GRID2: variants seen among roughly 807,000 people sequenced by gnomAD.
The protein encoded by GRID2 is glutamate ionotropic receptor delta type subunit 2.
A neutral mutation model predicts 114.8 loss-of-function variants in GRID2; 33 were observed. The observed-to-expected ratio is 0.29, with a 90% CI of 0.22 to 0.38. The LOEUF is 0.38. Ranked by LOEUF, GRID2 falls within the 10% of genes least tolerant of loss-of-function variation. The probability of loss-of-function intolerance (pLI) is 1.00; values close to 1 mark genes in which losing one functional copy is unlikely to be tolerated. For missense variants in GRID2, 1,184 were observed against 1,257.7 expected, an observed-to-expected ratio of 0.94 and a Z score of 0.89; for synonymous variants, 505 against 449.9, an observed-to-expected ratio of 1.12 and a Z score of -1.55.
At chr4:93,113,805 T>G (rs1038266397) in intron 4 of GRID2, among the ~76,000 whole-genome samples, 1 of 152,084 alleles carries the variant, frequency 6.6e-6, no homozygotes, top group East Asian at 1.9e-4. Context: ...CTTCTTGAGT[T>G]GAGCGTTAAA....
At chr4:92,921,368 C>A (rs563945165) in intron 2 of GRID2, among the ~76,000 whole-genome samples, 1 of 152,288 alleles carries the variant, frequency 6.6e-6, no homozygotes, top group Non-Finnish European at 1.5e-5. Flanking sequence ...CATTCTCCAT[C>A]CAGCTTTGTT....
At chr4:93,496,209 A>T (rs79129390) in intron 12 of GRID2, among the ~76,000 whole-genome samples, 1,710 of 151,472 alleles carry the variant, frequency 0.011, 31 homozygotes, top group African/African-American at 0.038. Flanking sequence ...ATAAACTGTC[A>T]TGGGGCAGTA....
chr4:93,257,684 A>G (rs72872768), intron 8 of GRID2, among the ~76,000 whole-genome samples: 4,430 of 151,550 alleles, frequency 0.029, 227 homozygotes, highest in African/African-American at 0.1. Flanking sequence ...AATGTCAAAT[A>G]CCTTCCTTTA....
At chr4:92,897,620 T>C (rs113542359) in intron 2 of GRID2, among the ~76,000 whole-genome samples, 28 of 152,294 alleles carry the variant, frequency 1.8e-4, no homozygotes, top group African/African-American at 6.7e-4. Flanking sequence ...ACTGCCAAAT[T>C]TGAACTTGGA....
intron 2 of GRID2, among the ~76,000 whole-genome samples, chr4:92,852,441 A>C (rs766387045): frequency 1.3e-5 from 2 of 151,934 alleles, no homozygotes; most frequent in Non-Finnish European, 2.9e-5. Context: ...ACCTTAAAAT[A>C]AACAACTCCA....
intron 8 of GRID2, among the ~76,000 whole-genome samples, chr4:93,305,954 A>G (rs1336109997): frequency 6.6e-6 from 1 of 152,170 alleles, no homozygotes; most frequent in Non-Finnish European, 1.5e-5. Flanking sequence ...CCCCATCTGA[A>G]ATTAATTCCC....
chr4:93,631,216 CT>C (rs201119171), intron 14 of GRID2, among the ~76,000 whole-genome samples: 9 of 149,938 alleles, frequency 6.0e-5, no homozygotes, highest in South Asian at 2.1e-4. Context: ...TAGGGATTCT[CT>C]TTTTTTTTTA....
chr4:93,236,786 A>C (rs1746846616), intron 7 of GRID2, among the ~76,000 whole-genome samples: 1 of 152,166 alleles, frequency 6.6e-6, no homozygotes, highest in East Asian at 1.9e-4. Context: ...TTGCAAAAAT[A>C]TTTTCCAAAG....
At chr4:93,766,430 C>T (rs1443254029) in intron 14 of GRID2, among the ~76,000 whole-genome samples, 3 of 152,090 alleles carry the variant, frequency 2.0e-5, no homozygotes, top group Non-Finnish European at 2.9e-5. Flanking sequence ...ACAAGAACGG[C>T]ATGAGGGAAA....
chr4:92,689,675 A>T (rs192252166), intron 2 of GRID2, among the ~76,000 whole-genome samples: 1 of 152,304 alleles, frequency 6.6e-6, no homozygotes, highest in East Asian at 1.9e-4. Context: ...CCCCACCCCC[A>T]TCTTTAGAAA....
intron 2 of GRID2, among the ~76,000 whole-genome samples, chr4:92,690,226 T>G (rs1734111613): frequency 6.6e-6 from 1 of 151,916 alleles, no homozygotes; most frequent in Non-Finnish European, 1.5e-5. Flanking sequence ...AAAAAGTATA[T>G]GACTCTTCAG....
At chr4:93,664,928 TTAAG>T (rs1723821701) in intron 14 of GRID2, among the ~76,000 whole-genome samples, 1 of 152,132 alleles carries the variant, frequency 6.6e-6, no homozygotes, top group Admixed American at 6.6e-5. Context: ...AAATCAAGTA[TTAAG>T]TAAGTGATTA....
chr4:92,312,959 G>T (rs904900723), intron 1 of GRID2, among the ~76,000 whole-genome samples: 1 of 152,004 alleles, frequency 6.6e-6, no homozygotes, highest in Non-Finnish European at 1.5e-5. Context: ...CAGAGGAAAA[G>T]AAGTCATTAT....
chr4:92,660,562 C>A (rs796402942), intron 2 of GRID2, among the ~76,000 whole-genome samples: 2 of 151,272 alleles, frequency 1.3e-5, no homozygotes, highest in African/African-American at 2.4e-5. Flanking sequence ...AAGAGTCTTA[C>A]GTTTTATACT....
chr4:93,104,860 C>A (rs1263139028), intron 3 of GRID2, among the ~76,000 whole-genome samples: 1 of 151,964 alleles, frequency 6.6e-6, no homozygotes, highest in East Asian at 1.9e-4. Flanking sequence ...ATTTCTAGTT[C>A]TAGATCCCTG....
At chr4:93,577,978 G>A (rs1373385432) in intron 13 of GRID2, among the ~76,000 whole-genome samples, 1 of 152,222 alleles carries the variant, frequency 6.6e-6, no homozygotes, top group Non-Finnish European at 1.5e-5. Flanking sequence ...CAGAGGCAGA[G>A]TAAGATTTGC....
At chr4:92,740,026 T>C (rs1736795092) in intron 2 of GRID2, among the ~76,000 whole-genome samples, 1 of 152,190 alleles carries the variant, frequency 6.6e-6, no homozygotes, top group East Asian at 1.9e-4. Flanking sequence ...GAAATTTCAA[T>C]ATAGAATAAT....
intron 8 of GRID2, among the ~76,000 whole-genome samples, chr4:93,279,533 A>G (rs1752428604): frequency 6.6e-6 from 1 of 151,904 alleles, no homozygotes; most frequent in Admixed American, 6.6e-5. Context: ...AGTAATTTTA[A>G]TATAATTCTA....
At chr4:93,792,845 AG>A (rs907099360) in intron 1 of GRID2, among the ~76,000 whole-genome samples, 1 of 152,132 alleles carries the variant, frequency 6.6e-6, no homozygotes, top group African/African-American at 2.4e-5. Flanking sequence ...AGGGGAGGAG[AG>A]GACGATTCAT....
Sources: gnomAD v4.1 joint callset for allele counts (sites outside exome capture counted in the v4.1 genomes callset) on GRCh38, gnomAD v4.1.1 for gene constraint, MANE v1.5 for transcripts, NCBI Gene and HGNC (gene_info 2026-07-23, HGNC 2026-07-21) for gene names.